The following LRRC46 variants were observed in gnomAD, a reference collection of about 807,000 sequenced individuals.
LRRC46 encodes the protein leucine-rich repeat-containing protein 46.
In LRRC46, 20 loss-of-function variants were observed where a neutral mutation model predicts 28.0. The observed-to-expected ratio is 0.71, with a 90% CI of 0.50 to 1.04. The LOEUF (loss-of-function observed/expected upper bound fraction) is 1.04. LRRC46 is among the 50% of genes least tolerant of loss of function. LRRC46 has a pLI of 0.00. For synonymous variants in LRRC46, 156 were observed against 158.8 expected (o/e 0.98, Z 0.13); for missense variants, 315 against 390.1 (o/e 0.81, Z 1.62).
In LRRC46 at chr17:47,836,463, T is replaced by C. The variant is rs1269154006; in HGVS notation, c.583T>C (p.Cys195Arg). The change falls in exon 7 of 8, where the codon TGC (cysteine) becomes CGC (arginine). Residue 195 changes from cysteine to arginine, a missense_variant. Coordinates refer to ENST00000269025, the MANE Select transcript of LRRC46 (RefSeq NM_033413.4). The surrounding 1 kb of genome is among the most constrained non-coding windows in gnomAD (Gnocchi z 5.8). ...GTTCCCAGAGCTGAGTGGCCCATTC[T>C]GCTCAGAACGAGGTGACCCTGCTTT... The part of the protein sequence containing the change: ...EEFPELSGPF[C>R]SERGFLKELE... 1 of 1,613,962 alleles carries C rather than the reference T, an allele frequency of 6.2e-7. No homozygotes were observed. The highest frequency in any genetic ancestry group is 2.2e-5 in the East Asian group (1 of 44,894).
intron 2 of LRRC46, among the ~76,000 whole-genome samples, chr17:47,833,530 C>T (rs112770073): frequency 4.0e-5 from 6 of 149,478 alleles, no homozygotes; most frequent in African/African-American, 7.5e-5. Context: ...CTCACTGCAA[C>T]GTCTGCCTCC....
At position 47,837,290 on chromosome 17, in the gene LRRC46, A is replaced by T; in HGVS notation, c.*170A>T. 1.1e-6 allele frequency: 1 copy of T among 880,480 alleles called. No individual in the cohort carries two copies. Among genetic ancestry groups the T allele is most frequent in the Non-Finnish European group, 1.6e-6 (1 of 608,990 alleles). 54.5% of individuals were successfully genotyped at this position (880,480 alleles called of 1,614,324 possible). ...GAAGAAACCAGTGAAAGCTCCAGGA[A>T]ACAAAATACAGAGCTCAGTGAGCCA... On this transcript the variant is annotated 3_prime_UTR_variant, in exon 8 of 8. Coordinates refer to ENST00000269025, the MANE Select transcript of LRRC46 (RefSeq NM_033413.4).
In LRRC46 at chr17:47,837,125, C is replaced by T. The variant is rs757280202; in HGVS notation, c.*5C>T. On this transcript the variant is annotated 3_prime_UTR_variant, in exon 8 of 8. Coordinates refer to ENST00000269025, the MANE Select transcript of LRRC46 (RefSeq NM_033413.4). ...GCCAAGAGAAGCAAGAAATGATTCTCTGTCAACCTTTCTCTACTAGTGGAG... is the reference window on the plus strand; with the variant it reads ...GCCAAGAGAAGCAAGAAATGATTCTTTGTCAACCTTTCTCTACTAGTGGAG... 6.2e-7 allele frequency: 1 copy of T among 1,601,352 alleles called. No individual in the cohort carries two copies. The highest frequency in any genetic ancestry group is 2.2e-5 in the East Asian group (1 of 44,832).
chr17:47,832,288 A>G lies in LRRC46; in HGVS notation c.116+83A>G, dbSNP rs570005558. ...GTCCCTGACGTGTACTGATTTGTCA[A>G]CTGATCTTTGTTTCTCTCCTTACTC... On this transcript the variant is annotated intron_variant, in intron 2 of 7. Coordinates refer to ENST00000269025, the MANE Select transcript of LRRC46 (RefSeq NM_033413.4). 1.2e-3 allele frequency: 1,203 copies of G among 1,001,918 alleles called. 3 individuals are homozygous for G. Among genetic ancestry groups the G allele is most frequent in the Non-Finnish European group, 1.6e-3 (1,078 of 686,470 alleles). 62.1% of individuals were successfully genotyped at this position (1,001,918 alleles called of 1,614,324 possible). A position where few individuals can be genotyped will look rare whatever the true frequency, so the allele number is the denominator to read the frequency against.
In LRRC46 at chr17:47,832,175, T is replaced by G; in HGVS notation, c.86T>G (p.Phe29Cys). The change falls in exon 2 of 8, where the codon TTC (phenylalanine) becomes TGC (cysteine). Residue 29 changes from phenylalanine to cysteine, a missense_variant. Coordinates refer to ENST00000269025, the MANE Select transcript of LRRC46 (RefSeq NM_033413.4). ...EALITKRNLT[F>C]PEDGELSEKM... is the part of the protein sequence containing the mutation. ...CTTATCACTAAGCGGAACTTGACTT[T>G]CCCTGAAGATGGGGAACTGTCAGAG... is the stretch of plus-strand genomic sequence containing the variant. 1 of 1,599,434 alleles carries G rather than the reference T, an allele frequency of 6.3e-7. No homozygotes were observed. Among genetic ancestry groups the G allele is most frequent in the Non-Finnish European group, 8.5e-7 (1 of 1,171,254 alleles).
At position 47,837,099 on chromosome 17, in the gene LRRC46, G is replaced by A. The variant is rs753033620; in HGVS notation, c.945G>A (p.Thr315=). 14 of 1,603,776 alleles carry A rather than the reference G, an allele frequency of 8.7e-6. No homozygotes were observed. The highest frequency in any genetic ancestry group is 2.7e-5 in the African/African-American group (2 of 73,712). Residue 315 remains threonine (T), a synonymous_variant, in exon 8 of 8, where the codon ACG becomes ACA. Transcript: ENST00000269025. ...AGGCCCCCAGCACAACCAAAACTACGGCCAAGAGAAGCAAGAAATGATTCT... is the reference window on the plus strand; with the variant it reads ...AGGCCCCCAGCACAACCAAAACTACAGCCAAGAGAAGCAAGAAATGATTCT... ...VAEAPSTTKT[T]AKRSKK is the part of the protein sequence containing the mutation.
rs182407684 is a variant in LRRC46, at chr17:47,832,271, C to T, written c.116+66C>T. The T allele has an allele frequency of 1.7e-4, 200 of 1,191,296 alleles. No homozygotes were observed. In the African/African-American group the frequency reaches 2.6e-3, roughly 15 times the overall value. The allele number at this position is 1,191,296 out of a possible 1,614,324, so 73.8% of individuals were successfully genotyped here. A position where few individuals can be genotyped will look rare whatever the true frequency, so the allele number is the denominator to read the frequency against. The stretch of plus-strand genomic sequence containing the variant: ...ACACTCAGGATGACCAGGTCCCTGA[C>T]GTGTACTGATTTGTCAACTGATCTT... On this transcript the variant is annotated intron_variant, in intron 2 of 7. Transcript: ENST00000269025.
Position 47,836,778 on chromosome 17 carries a change from G to A in LRRC46, c.624G>A (p.Leu208=), listed in dbSNP as rs778558236. Residue 208 remains leucine, a synonymous_variant, in exon 8 of 8, where the codon CTG becomes CTA. Coordinates refer to ENST00000269025, the MANE Select transcript of LRRC46 (RefSeq NM_033413.4). The surrounding 1 kb of genome is among the most constrained non-coding windows in gnomAD (Gnocchi z 5.8). ...TCCTCAAGGAGCTGGAGCAGGAGCT[G>A]AGCAGGCACAGGGAGCACCGGCAAC... ...RGFLKELEQE[L]SRHREHRQQT... 6.2e-7 allele frequency: 1 copy of A among 1,613,770 alleles called. No homozygotes were observed.
intron 3 of LRRC46, 53 bp from the exon 4 acceptor site, chr17:47,835,300 C>CA (rs2033680059): frequency 6.3e-7 from 1 of 1,588,862 alleles, no homozygotes; most frequent in Non-Finnish European, 8.6e-7. Flanking sequence ...CGTAAAGGGC[C>CA]CCTGACGCAT....
At chr17:47,833,369 C>T (rs1393452423) in intron 2 of LRRC46, among the ~76,000 whole-genome samples, 1 of 151,012 alleles carries the variant, frequency 6.6e-6, no homozygotes, top group Non-Finnish European at 1.5e-5. Flanking sequence ...CTCCTTCTTT[C>T]CCTTCTTCCT....
chr17:47,834,517 G>A lies in LRRC46; in HGVS notation c.209G>A (p.Ser70Asn). Residue 70 changes from serine to asparagine, a missense_variant, in exon 3 of 8, where the codon AGT (serine) becomes AAT (asparagine). Transcript: ENST00000269025. Reference sequence around the variant, plus strand: ...TTAGAAGGCCTCCAGAATCTTCACAGTCTCTATCTGCAAGGGGTAACTTCT... The same window carrying A: ...TTAGAAGGCCTCCAGAATCTTCACAATCTCTATCTGCAAGGGGTAACTTCT... ...RNLEGLQNLHSLYLQGNKIQQ... is the reference protein window; with the variant it reads ...RNLEGLQNLHNLYLQGNKIQQ... 6.2e-7 allele frequency: 1 copy of A among 1,609,498 alleles called. No homozygotes were observed. The highest frequency in any genetic ancestry group is 1.3e-5 in the African/African-American group (1 of 74,944).
chr17:47,835,970 C>T lies in LRRC46; in HGVS notation c.383-63C>T, dbSNP rs139646757. ...GGGTATGAGAACCCCATTCCCATCGCTTCATGGTCTTTTGGCTAAGATCAA... is the reference window on the plus strand; with the variant it reads ...GGGTATGAGAACCCCATTCCCATCGTTTCATGGTCTTTTGGCTAAGATCAA... On this transcript the variant is annotated intron_variant, in intron 5 of 7. Coordinates refer to ENST00000269025, the MANE Select transcript of LRRC46 (RefSeq NM_033413.4). The T allele has an allele frequency of 1.1e-5, 18 of 1,577,458 alleles. No individual in the cohort carries two copies. The African/African-American group carries it at 2.4e-4, about 21-fold the overall frequency.
chr17:47,834,251 G>A (rs902702290), intron 2 of LRRC46, among the ~76,000 whole-genome samples, 174 bp from the exon 3 acceptor site: 9 of 151,974 alleles, frequency 5.9e-5, no homozygotes, highest in Admixed American at 2.6e-4. Context: ...AAGTCAAGCC[G>A]GTTTCATGAT....
intron 5 of LRRC46, 88 bp downstream of exon 5, chr17:47,835,863 G>T: frequency 7.4e-7 from 1 of 1,358,594 alleles, no homozygotes. Context: ...GCTTCTATTA[G>T]CCATGCCCCT....
chr17:47,835,264 T>G (rs748440178), intron 3 of LRRC46, 89 bp from the exon 4 acceptor site: 1 of 1,328,318 alleles, frequency 7.5e-7, no homozygotes, highest in Admixed American at 1.7e-5. Flanking sequence ...AGCTGCAGAG[T>G]AGACATGGTC....
In LRRC46 at chr17:47,831,966, A is replaced by C. The variant is rs745602869; in HGVS notation, c.-24A>C. On this transcript the variant is annotated 5_prime_UTR_variant, in exon 1 of 8. Transcript: ENST00000269025. The stretch of plus-strand genomic sequence containing the variant: ...TCTTTTCGTTCCTCTCCCGCCTCAG[A>C]CCAGCAGCCTTTTATTTTAGATCAT... 6.8e-6 allele frequency: 11 copies of C among 1,612,878 alleles called. No individual in the cohort carries two copies. Among genetic ancestry groups the C allele is most frequent in the African/African-American group, 1.3e-5 (1 of 74,912 alleles).
rs760126383 is a variant in LRRC46 at position 47,835,693 on chromosome 17, C to G, written c.300C>G (p.Ile100Met). The G allele has an allele frequency of 1.9e-5, 30 of 1,614,076 alleles. No individual in the cohort carries two copies. Among genetic ancestry groups the G allele is most frequent in the Non-Finnish European group, 2.5e-5 (29 of 1,180,028 alleles). The change falls in exon 5 of 8, where the codon ATC becomes ATG. Residue 100 changes from isoleucine (I) to methionine (M), a missense_variant. Physicochemically the swap from Ile to Met is conservative, Grantham distance 10 (BLOSUM62 1). Transcript: ENST00000269025. ...LRFLSLAGNQ[I>M]RQVENLLDLP... ...TCCTGTCTCTGGCAGGAAACCAAATCAGGCAGGTGGAAAACCTCCTCGACC... is the reference window on the plus strand; with the variant it reads ...TCCTGTCTCTGGCAGGAAACCAAATGAGGCAGGTGGAAAACCTCCTCGACC...
chr17:47,837,232 T>G lies in LRRC46; in HGVS notation c.*112T>G. On this transcript the variant is annotated 3_prime_UTR_variant, in exon 8 of 8. Coordinates refer to ENST00000269025, the MANE Select transcript of LRRC46 (RefSeq NM_033413.4). ...CAGTAAAGTGTCTCTAGGCCCTGAG[T>G]ATGCTTTTCATGTCACTTGGGGTAT... 7.0e-7 allele frequency: 1 copy of G among 1,420,998 alleles called. No homozygotes were observed. The allele number at this position is 1,420,998 out of a possible 1,614,324, so 88.0% of individuals were successfully genotyped here. A position where few individuals can be genotyped will look rare whatever the true frequency, so the allele number is the denominator to read the frequency against.
intron 2 of LRRC46, among the ~76,000 whole-genome samples, chr17:47,832,978 C>CA (rs1309843312): frequency 1.3e-5 from 2 of 152,212 alleles, no homozygotes; most frequent in South Asian, 2.1e-4. Context: ...CCTTACTACT[C>CA]AGAGTATGTG....
Sources: allele counts gnomAD v4.1 joint callset (sites outside exome capture counted in the v4.1 genomes callset), GRCh38; gene constraint gnomAD v4.1.1; non-coding constraint Gnocchi (gnomAD v3.1); transcripts MANE v1.5; gene names NCBI Gene and HGNC (gene_info 2026-07-23, HGNC 2026-07-21).